SLC44A1: variants seen among roughly 807,000 people sequenced by gnomAD.
SLC44A1 encodes the protein choline transporter-like protein 1.
SLC44A1 carries 26 observed loss-of-function variants against 79.3 expected under a neutral mutation model. The observed-to-expected ratio is 0.33, with a 90% confidence interval of 0.24 to 0.46. The LOEUF (loss-of-function observed/expected upper bound fraction) is 0.46, where lower values mean the gene tolerates loss of function less well. Among genes scored for constraint, SLC44A1 ranks in the 20% least tolerant of loss-of-function variants. The pLI is 1.00. For missense variants in SLC44A1, 688 were observed against 798.1 expected, an observed-to-expected ratio of 0.86 and a Z score of 1.66; for synonymous variants, 263 against 286.2, an observed-to-expected ratio of 0.92 and a Z score of 0.82.
At chr9:105,259,808 T>C (rs1323769861) in intron 1 of SLC44A1, among the ~76,000 whole-genome samples, 1 of 152,246 alleles carries the variant, frequency 6.6e-6, no homozygotes, top group Non-Finnish European at 1.5e-5. Context: ...AGTTTGGAAA[T>C]AATACTTTAA....
chr9:105,372,227 TAAC>T (rs1435131197), intron 12 of SLC44A1, among the ~76,000 whole-genome samples: 1 of 152,174 alleles, frequency 6.6e-6, no homozygotes, highest in African/African-American at 2.4e-5. Context: ...ATTCTGATGA[TAAC>T]AAACTTCCCC....
rs1564452558 is a variant in SLC44A1, at chr9:105,351,567, AGAAAGAGAGAAAGAGAGAAAGAGAGAAAG to A, written c.500+3117_500+3145del. 2.3e-4 allele frequency among the ~76,000 whole-genome samples: 27 copies of A among 119,716 alleles called. 2 individuals are homozygous for A. The highest frequency in any genetic ancestry group is 1.0e-3 in the African/African-American group (27 of 25,792). 78.5% of individuals were successfully genotyped at this position (119,716 alleles called of 152,430 possible). ...AAGAAAGAAAGAAAGAGAGAAAGAGAGAAAGAGAGAAAGAGAGAAAGAGAGAAAGAGAAAGAAAGAAAGAAAGAAAGAAA... is the reference window on the plus strand; with the variant it reads ...AAGAAAGAAAGAAAGAGAGAAAGAGAAGAAAGAAAGAAAGAAAGAAAGAAA... On this transcript the variant is annotated intron_variant, in intron 5 of 15. Transcript: ENST00000374720.
At chr9:105,245,028 C>A in intron 1 of SLC44A1, 124 bp downstream of exon 1, 2 of 314,114 alleles carry the variant, frequency 6.4e-6, no homozygotes, top group South Asian at 1.3e-4. Context: ...CCGTGCAGTC[C>A]AAAGACCCCC....
At chr9:105,248,204 G>C (rs1829503417) in intron 1 of SLC44A1, among the ~76,000 whole-genome samples, 1 of 152,190 alleles carries the variant, frequency 6.6e-6, no homozygotes, top group Non-Finnish European at 1.5e-5. Context: ...TGTAAATAAA[G>C]TGCATTTTCT....
chr9:105,304,877 G>T, intron 2 of SLC44A1, among the ~76,000 whole-genome samples: 1 of 146,578 alleles, frequency 6.8e-6, no homozygotes, highest in Non-Finnish European at 1.5e-5. Context: ...ATTCTTTTAG[G>T]GTAAACCTTG....
chr9:105,434,272 C>T (rs1430438585), intron 15 of SLC44A1, among the ~76,000 whole-genome samples: 1 of 151,916 alleles, frequency 6.6e-6, no homozygotes, highest in Non-Finnish European at 1.5e-5. Context: ...CCCCTGGAGA[C>T]AGAGGTTGCA....
rs775747954 is a variant in SLC44A1 at position 105,396,980 on chromosome 9, G to A, written c.*7924G>A. ...CAGTTGTAGCCCTAGTATTTGTGACGGTCATTATTGACACAGTGCAGACTT... is the reference window on the plus strand; with the variant it reads ...CAGTTGTAGCCCTAGTATTTGTGACAGTCATTATTGACACAGTGCAGACTT... On this transcript the variant is annotated 3_prime_UTR_variant, in exon 16 of 16. Transcript: ENST00000374720. 1.8e-5 allele frequency: 18 copies of A among 985,244 alleles called. No homozygotes were observed. The highest frequency in any genetic ancestry group is 5.2e-4 in the Middle Eastern group (1 of 1,914). The allele number at this position is 985,244 out of a possible 1,614,324, so 61.0% of individuals were successfully genotyped here.
intron 1 of SLC44A1, among the ~76,000 whole-genome samples, chr9:105,296,765 T>A (rs886680437): frequency 6.6e-6 from 1 of 152,220 alleles, no homozygotes; most frequent in African/African-American, 2.4e-5. Flanking sequence ...ACAACTGTCT[T>A]CCAAAATACA....
chr9:105,296,528 C>A (rs1400107113), intron 1 of SLC44A1, among the ~76,000 whole-genome samples: 1 of 152,198 alleles, frequency 6.6e-6, no homozygotes, highest in African/African-American at 2.4e-5. Flanking sequence ...AACTACACAA[C>A]CAACCTGAGG....
chr9:105,368,861 A>T (rs2131427226), intron 12 of SLC44A1, among the ~76,000 whole-genome samples: 1 of 152,240 alleles, frequency 6.6e-6, no homozygotes, highest in East Asian at 1.9e-4. Context: ...AACATGGTGA[A>T]ACCCCATCTC....
chr9:105,320,347 G>T (rs1826354937), intron 3 of SLC44A1, among the ~76,000 whole-genome samples: 1 of 122,784 alleles, frequency 8.1e-6, no homozygotes. Context: ...AACAATTTGT[G>T]TATGTAATTT....
chr9:105,267,198 T>G (rs538561144), intron 1 of SLC44A1, among the ~76,000 whole-genome samples: 1 of 152,326 alleles, frequency 6.6e-6, no homozygotes, highest in African/African-American at 2.4e-5. Flanking sequence ...TTTAAATGAG[T>G]TGTTCCATTG....
At chr9:105,418,992 A>C (rs1829210130) in intron 15 of SLC44A1, among the ~76,000 whole-genome samples, 1 of 152,208 alleles carries the variant, frequency 6.6e-6, no homozygotes, top group African/African-American at 2.4e-5. Context: ...CTCTTAATGT[A>C]ACATCCTGGA....
At chr9:105,333,543 A>G (rs1255725314) in intron 3 of SLC44A1, among the ~76,000 whole-genome samples, 1 of 152,150 alleles carries the variant, frequency 6.6e-6, no homozygotes, top group Admixed American at 6.5e-5. Context: ...ACAGTGGCTT[A>G]TCATACCTGT....
chr9:105,409,415 T>A lies in SLC44A1; in HGVS notation c.1950+23913T>A, dbSNP rs140103649. On this transcript the variant is annotated intron_variant, in intron 15 of 15. Coordinates refer to the SLC44A1 transcript ENST00000374724. The stretch of plus-strand genomic sequence containing the variant: ...ATAAACATATGTGGGCCAAGTGCAG[T>A]GGCTCACCCTTGTAATCCCAACACT... 4.4e-4 allele frequency among the ~76,000 whole-genome samples: 67 copies of A among 152,344 alleles called. No individual in the cohort carries two copies. In the Middle Eastern group the frequency reaches 0.014, roughly 31 times the overall value.
chr9:105,309,798 T>C lies in SLC44A1; in HGVS notation c.201T>C (p.Asn67=). 1 of 1,613,938 alleles carries C rather than the reference T, an allele frequency of 6.2e-7. No homozygotes were observed. Among genetic ancestry groups the C allele is most frequent in the Non-Finnish European group, 8.5e-7 (1 of 1,179,886 alleles). Residue 67 remains asparagine, a synonymous_variant, in exon 3 of 16, where the codon AAT becomes AAC. Coordinates refer to ENST00000374720, the MANE Select transcript of SLC44A1 (RefSeq NM_080546.5). ...TGTCAGGATACGACAGCTATGGAAA[T>C]ATCTGTGGGCAGAAAAATACAAAGT... ...RLVSGYDSYG[N]ICGQKNTKLE... is the part of the protein sequence containing the mutation.
At chr9:105,430,366 CA>C (rs1829377400) in intron 15 of SLC44A1, among the ~76,000 whole-genome samples, 3 of 152,050 alleles carry the variant, frequency 2.0e-5, no homozygotes, top group East Asian at 3.8e-4. Context: ...CAACTAAGAC[CA>C]CCACGTGACT....
At position 105,396,360 on chromosome 9, in the gene SLC44A1, A is replaced by G. The variant is rs1036520249; in HGVS notation, c.*7304A>G. The G allele has an allele frequency of 4.1e-6, 4 of 985,346 alleles. No individual in the cohort carries two copies. The highest frequency in any genetic ancestry group is 4.8e-6 in the Non-Finnish European group (4 of 829,958). The allele number at this position is 985,346 out of a possible 1,614,324, so 61.0% of individuals were successfully genotyped here. On this transcript the variant is annotated 3_prime_UTR_variant, in exon 16 of 16. Coordinates refer to ENST00000374720, the MANE Select transcript of SLC44A1 (RefSeq NM_080546.5). ...ACAAAAAGGCAGGGAGAAAAGTGTG[A>G]AGGGCATCAAGCAAAATGACAGGGG... is the stretch of plus-strand genomic sequence containing the variant.
At chr9:105,355,346 A>G (rs977402148) in intron 5 of SLC44A1, among the ~76,000 whole-genome samples, 1 of 152,244 alleles carries the variant, frequency 6.6e-6, no homozygotes, top group Non-Finnish European at 1.5e-5. Context: ...GTTTCAGTCC[A>G]TATAAGCCTA....
Sources: allele counts gnomAD v4.1 joint callset (sites outside exome capture counted in the v4.1 genomes callset), GRCh38; gene constraint gnomAD v4.1.1; transcripts MANE v1.5; gene names NCBI Gene and HGNC (gene_info 2026-07-23, HGNC 2026-07-21).